ASTN2: variants seen among roughly 807,000 people sequenced by gnomAD.
ASTN2 encodes the protein astrotactin 2, also known as astrotactin-2.
In ASTN2, 54 loss-of-function variants were observed where a neutral mutation model predicts 139.8. That is an observed-to-expected ratio of 0.39 (90% confidence interval 0.31 to 0.48). The LOEUF is 0.48. ASTN2 is among the 20% of genes least tolerant of loss of function. The pLI is 0.95. For synonymous variants in ASTN2, 756 were observed against 719.5 expected (o/e 1.05, Z -0.81); for missense variants, 1,565 against 1,725.1 (o/e 0.91, Z 1.64).
chr9:116,923,975 A>G lies in ASTN2; in HGVS notation c.1889+51233T>C, dbSNP rs1235133324. Among the ~76,000 whole-genome samples the G allele has an allele frequency of 3.3e-5, 5 of 152,194 alleles. No individual in the cohort carries two copies. In the East Asian group the frequency reaches 9.7e-4, roughly 29 times the overall value. On this transcript the variant is annotated intron_variant, in intron 10 of 22. Coordinates refer to ENST00000313400, the MANE Select transcript of ASTN2 (RefSeq NM_001365068.1). ...AGGGCCCTGAGGTGAAGGCACTGGA[A>G]GCTTCTCCTCTTGTTACTGGAAAGG... is the stretch of plus-strand genomic sequence containing the variant.
At chr9:116,911,952 T>A (rs1372981526) in intron 10 of ASTN2, among the ~76,000 whole-genome samples, 3 of 149,254 alleles carry the variant, frequency 2.0e-5, no homozygotes, top group Non-Finnish European at 4.5e-5. Context: ...GTAATTTTTC[T>A]ATAAATCTAA....
chr9:116,874,369 C>CCT (rs1833242173), intron 10 of ASTN2, among the ~76,000 whole-genome samples: 1 of 152,098 alleles, frequency 6.6e-6, no homozygotes, highest in African/African-American at 2.4e-5. Flanking sequence ...TCCTGCATGC[C>CCT]TAGAGTCCTC....
intron 1 of ASTN2, among the ~76,000 whole-genome samples, chr9:117,389,120 G>A (rs1020166691): frequency 2.0e-5 from 3 of 152,208 alleles, no homozygotes; most frequent in Admixed American, 6.5e-5. Flanking sequence ...ACCTGTGAAT[G>A]TCCTGGGTCT....
intron 22 of ASTN2, among the ~76,000 whole-genome samples, chr9:116,430,715 T>C (rs1172131282): frequency 1.3e-5 from 2 of 152,194 alleles, no homozygotes; most frequent in Admixed American, 1.3e-4. Context: ...CACAAGACTT[T>C]GTACGTAACA....
chr9:117,097,000 T>G (rs1432815629), intron 4 of ASTN2, among the ~76,000 whole-genome samples: 1 of 152,170 alleles, frequency 6.6e-6, no homozygotes, highest in Non-Finnish European at 1.5e-5. Context: ...ACTTTTGGTT[T>G]CATGGAAGGT....
intron 7 of ASTN2, among the ~76,000 whole-genome samples, chr9:117,003,497 T>C (rs1311233553): frequency 1.2e-5 from 1 of 80,876 alleles, no homozygotes; most frequent in African/African-American, 4.4e-5. Context: ...GTGGACCTAG[T>C]GGATTCCAGT....
chr9:116,838,701 G>A (rs1832096568), intron 11 of ASTN2, among the ~76,000 whole-genome samples: 1 of 150,932 alleles, frequency 6.6e-6, no homozygotes, highest in African/African-American at 2.4e-5. Context: ...ATAGGATTAT[G>A]ATTACAGGCG....
chr9:116,639,694 C>T (rs547192336), intron 17 of ASTN2, among the ~76,000 whole-genome samples: 172 of 152,280 alleles, frequency 1.1e-3, no homozygotes, highest in Non-Finnish European at 1.7e-3. Context: ...AATAAGTAGA[C>T]ATTGGACAGC....
chr9:117,370,130 G>C (rs1447774578), intron 1 of ASTN2, among the ~76,000 whole-genome samples: 1 of 152,112 alleles, frequency 6.6e-6, no homozygotes, highest in African/African-American at 2.4e-5. Flanking sequence ...CTCCTCCTTT[G>C]AGGTAGATGA....
intron 19 of ASTN2, among the ~76,000 whole-genome samples, chr9:116,608,993 T>C (rs2131788815): frequency 6.6e-6 from 1 of 152,210 alleles, no homozygotes; most frequent in African/African-American, 2.4e-5. Context: ...AAATTGCACT[T>C]CACAGAAGGC....
At chr9:116,682,242 A>C (rs1229846503) in intron 16 of ASTN2, among the ~76,000 whole-genome samples, 2 of 152,226 alleles carry the variant, frequency 1.3e-5, no homozygotes, top group African/African-American at 4.8e-5. Flanking sequence ...TCTCAAAAGA[A>C]GACATTTATG....
chr9:116,929,679 C>T (rs1834847690), intron 10 of ASTN2, among the ~76,000 whole-genome samples: 1 of 152,162 alleles, frequency 6.6e-6, no homozygotes, highest in African/African-American at 2.4e-5. Flanking sequence ...TACTCTGGCC[C>T]ACAAACTGAT....
intron 10 of ASTN2, among the ~76,000 whole-genome samples, chr9:116,922,419 G>C (rs1453950635): frequency 3.3e-5 from 5 of 152,006 alleles, no homozygotes; most frequent in Non-Finnish European, 7.4e-5. Context: ...CATAGACTCA[G>C]GGGGCAATTT....
chr9:117,189,314 G>A lies in ASTN2; in HGVS notation c.1015+25044C>T, dbSNP rs142420257. Among the ~76,000 whole-genome samples the A allele has an allele frequency of 3.3e-5, 5 of 152,280 alleles. No individual in the cohort carries two copies. In the South Asian group the frequency reaches 1.0e-3, roughly 32 times the overall value. The stretch of plus-strand genomic sequence containing the variant: ...CATATTTAGCAATCTCCTATGATGA[G>A]TCAAGACAAAGGCATGGGCTGGAAC... On this transcript the variant is annotated intron_variant, in intron 3 of 22. Transcript: ENST00000313400.
chr9:117,122,732 C>CTG (rs935260434), intron 4 of ASTN2, among the ~76,000 whole-genome samples: 1 of 152,146 alleles, frequency 6.6e-6, no homozygotes, highest in Non-Finnish European at 1.5e-5. Flanking sequence ...GTGGCTACGG[C>CTG]TGTGTTCATT....
intron 1 of ASTN2, among the ~76,000 whole-genome samples, chr9:117,307,401 C>G (rs1835029333): frequency 6.6e-6 from 1 of 152,222 alleles, no homozygotes; most frequent in African/African-American, 2.4e-5. Context: ...CCTCCTAACA[C>G]TGACATCATG....
At chr9:117,196,408 C>T (rs1462218001) in intron 3 of ASTN2, among the ~76,000 whole-genome samples, 1 of 152,146 alleles carries the variant, frequency 6.6e-6, no homozygotes, top group East Asian at 1.9e-4. Flanking sequence ...AGGTAATGTA[C>T]AGGACAGCAG....
chr9:116,980,094 C>G (rs1836466825), intron 7 of ASTN2, among the ~76,000 whole-genome samples: 1 of 152,212 alleles, frequency 6.6e-6, no homozygotes, highest in East Asian at 1.9e-4. Context: ...GGGAAAAGCC[C>G]CCGAGTGCTA....
chr9:117,283,140 T>A (rs933879248), intron 2 of ASTN2, among the ~76,000 whole-genome samples: 8 of 152,348 alleles, frequency 5.3e-5, no homozygotes, highest in Non-Finnish European at 8.8e-5. Context: ...TGTGGAAGTC[T>A]AAGCTTGAAA....
Sources: allele counts gnomAD v4.1 joint callset (sites outside exome capture counted in the v4.1 genomes callset), GRCh38; gene constraint gnomAD v4.1.1; transcripts MANE v1.5; gene names NCBI Gene and HGNC (gene_info 2026-07-23, HGNC 2026-07-21).